The following ATR variants were observed in gnomAD, a reference collection of about 807,000 sequenced individuals.
ATR encodes ATR checkpoint kinase.
ATR carries 142 observed loss-of-function variants against 305.3 expected under a neutral mutation model. The ratio of observed to expected loss-of-function variants is 0.47; its 90% CI spans 0.41 to 0.53. ATR has a LOEUF of 0.53. ATR is among the 20% of genes least tolerant of loss of function. ATR has a pLI of 0.00. For missense variants in ATR, 2,135 were observed against 3,133.1 expected, an observed-to-expected ratio of 0.68 and a Z score of 7.60; for synonymous variants, 1,050 against 1,068.1, an observed-to-expected ratio of 0.98 and a Z score of 0.33.
chr3:142,498,034 T>C (rs990817778), intron 32 of ATR, among the ~76,000 whole-genome samples: 1 of 152,222 alleles, frequency 6.6e-6, no homozygotes, highest in Non-Finnish European at 1.5e-5. Context: ...AACGGGTTGA[T>C]ACTAAATATA....
intron 27 of ATR, among the ~76,000 whole-genome samples, chr3:142,511,076 T>A (rs1454936713): frequency 6.6e-6 from 1 of 151,998 alleles, no homozygotes; most frequent in East Asian, 1.9e-4. Flanking sequence ...TAAATAAAAA[T>A]AGCTTCTCTT....
At chr3:142,577,774 A>T (rs1017139723) in intron 1 of ATR, among the ~76,000 whole-genome samples, 9 of 152,184 alleles carry the variant, frequency 5.9e-5, no homozygotes, top group Admixed American at 5.9e-4. Flanking sequence ...AAGCTTATTT[A>T]TTTCTTGTTC....
chr3:142,539,260 A>G (rs2033968921), intron 18 of ATR, among the ~76,000 whole-genome samples: 2 of 152,126 alleles, frequency 1.3e-5, no homozygotes, highest in Admixed American at 6.6e-5. Context: ...GCTCAAAGGA[A>G]CCAGAGCCAG....
rs2034935117 is a variant in ATR, at chr3:142,562,885, C to T, written c.517G>A (p.Val173Met). ...TGACTTAAAAATCGGCTCATGACCA[C>T]TGGCCATTCCACAGCATGACCCATC... ...NVMGHAVEWP[V>M]VMSRFLSQLD... is the part of the protein sequence containing the mutation. The change falls in exon 4 of 47, where the codon GTG becomes ATG. Residue 173 changes from valine (V) to methionine (M), a missense_variant. By Grantham distance (21) the Val-to-Met change is conservative (BLOSUM62 1). Transcript: ENST00000350721. The T allele has an allele frequency of 6.2e-6, 10 of 1,612,976 alleles. No homozygotes were observed. The highest frequency in any genetic ancestry group is 8.5e-6 in the Non-Finnish European group (10 of 1,179,704).
At chr3:142,481,692 G>A (rs141309671) in intron 36 of ATR, among the ~76,000 whole-genome samples, 37 of 152,250 alleles carry the variant, frequency 2.4e-4, no homozygotes, top group African/African-American at 8.4e-4. Context: ...GTCTTGCCAT[G>A]TTCCCTAGGC....
At chr3:142,467,817 T>C in intron 39 of ATR, 117 bp downstream of exon 39, 2 of 1,153,108 alleles carry the variant, frequency 1.7e-6, no homozygotes, top group Non-Finnish European at 1.2e-6. Flanking sequence ...TACATTTTGA[T>C]ATATGTGTAC....
intron 46 of ATR, chr3:142,450,708 T>A (rs2070768741): frequency 4.4e-6 from 7 of 1,581,562 alleles, no homozygotes; most frequent in Non-Finnish European, 6.0e-6. Context: ...CAAAAACACA[T>A]TACATGAAAG....
chr3:142,537,887 G>T (rs1445236043), intron 19 of ATR, among the ~76,000 whole-genome samples: 3 of 152,120 alleles, frequency 2.0e-5, no homozygotes, highest in Admixed American at 6.6e-5. Context: ...AAATTATGGG[G>T]GAAGATAGTA....
chr3:142,469,639 G>A, intron 37 of ATR, 70 bp from the exon 38 acceptor site: 1 of 1,380,906 alleles, frequency 7.2e-7, no homozygotes, highest in Non-Finnish European at 1.0e-6. Flanking sequence ...TCATTTCACA[G>A]AAGAAAAATT....
At chr3:142,457,793 T>A in intron 44 of ATR, 38 bp from the exon 45 acceptor site, 2 of 1,606,020 alleles carry the variant, frequency 1.2e-6, no homozygotes, top group South Asian at 2.2e-5. Context: ...CTAACAATGT[T>A]AGAATTTAAA....
chr3:142,512,138 TA>T, intron 27 of ATR, 121 bp downstream of exon 27: 1 of 914,546 alleles, frequency 1.1e-6, no homozygotes, highest in African/African-American at 2.0e-5. Context: ...ACAACAACAA[TA>T]AAAAACATGA....
intron 42 of ATR, 31 bp downstream of exon 42, chr3:142,461,909 A>C: frequency 6.3e-7 from 1 of 1,599,878 alleles, no homozygotes; most frequent in Non-Finnish European, 8.6e-7. Context: ...TAGTACCCAC[A>C]CTGTATATGT....
chr3:142,565,562 TAAAAGAATG>T (rs374612908), intron 3 of ATR, among the ~76,000 whole-genome samples: 69 of 151,272 alleles, frequency 4.6e-4, no homozygotes, highest in African/African-American at 1.5e-3. Context: ...AGACAATAAG[TAAAAGAATG>T]AGCATGGCTG....
intron 36 of ATR, among the ~76,000 whole-genome samples, chr3:142,483,010 C>CT (rs1227169409): frequency 0.065 from 5,999 of 92,222 alleles, 354 homozygotes; most frequent in African/African-American, 0.18. Flanking sequence ...TTCTTTCTTT[C>CT]TTTTTTTTTT....
chr3:142,550,295 A>C lies in ATR; in HGVS notation c.2813T>G (p.Val938Gly). 6.2e-7 allele frequency: 1 copy of C among 1,614,140 alleles called. No homozygotes were observed. Among genetic ancestry groups the C allele is most frequent in the Non-Finnish European group, 8.5e-7 (1 of 1,179,980 alleles). ...QYKKPICQFL[V>G]ESLHSSQMTA... Reference sequence around the variant, plus strand: ...CATCTGACTAGAGTGAAGGGATTCTACCAAAAACTAGAGCAAAAACCATTT... The same window carrying C: ...CATCTGACTAGAGTGAAGGGATTCTCCCAAAAACTAGAGCAAAAACCATTT... Residue 938 changes from valine to glycine, a missense_variant, in exon 14 of 47, where the codon GTA becomes GGA. Val to Gly is a moderately radical substitution (Grantham distance 109). This residue lies in a region of ATR where 530 missense variants were observed against 766.8 expected (regional missense o/e 0.69). Transcript: ENST00000350721.
chr3:142,516,633 C>T lies in ATR; in HGVS notation c.4383-1118G>A, dbSNP rs11710674. 3.4e-3 allele frequency among the ~76,000 whole-genome samples: 525 copies of T among 152,194 alleles called. 3 individuals carry two copies. The highest frequency in any genetic ancestry group is 6.4e-3 in the Non-Finnish European group (437 of 68,006). On this transcript the variant is annotated intron_variant, in intron 24 of 46. Coordinates refer to ENST00000350721, the MANE Select transcript of ATR (RefSeq NM_001184.4). ...GAGTAAAAACAAAATCATTGCTTCC[C>T]GCAATGAAATCTGTAAACTTAGCTG...
At chr3:142,578,202 G>A (rs188903423) in intron 1 of ATR, among the ~76,000 whole-genome samples, 3 of 152,312 alleles carry the variant, frequency 2.0e-5, no homozygotes, top group Admixed American at 2.0e-4. Flanking sequence ...AGGGCAGTTT[G>A]GGGACAAAAT....
intron 30 of ATR, chr3:142,500,059 C>T: frequency 4.6e-6 from 1 of 216,710 alleles, no homozygotes. Flanking sequence ...GAACAAAGAG[C>T]AAGGAAGAAA....
Position 142,563,152 on chromosome 3 carries a change from C to A in ATR, c.293-43G>T. On this transcript the variant is annotated intron_variant, in intron 3 of 46. Transcript: ENST00000350721. ...AAGATATTAAATAAACAAGTATATCCGAAGTGCTAATTCATTTGCTAAATC... is the reference window on the plus strand; with the variant it reads ...AAGATATTAAATAAACAAGTATATCAGAAGTGCTAATTCATTTGCTAAATC... 3 of 1,545,170 alleles carry A rather than the reference C, an allele frequency of 1.9e-6. No homozygotes were observed. In the South Asian group the frequency reaches 3.6e-5, roughly 19 times the overall value.
Sources: gnomAD v4.1 joint callset for allele counts (sites outside exome capture counted in the v4.1 genomes callset) on GRCh38, gnomAD v4.1.1 for gene constraint, gnomAD v4.1.1 regional missense constraint, MANE v1.5 for transcripts, NCBI Gene and HGNC (gene_info 2026-07-23, HGNC 2026-07-21) for gene names.